The following GRM7 variants were observed in gnomAD, a reference collection of about 807,000 sequenced individuals.
GRM7 encodes glutamate metabotropic receptor 7, also known as metabotropic glutamate receptor 7.
A neutral mutation model predicts 84.5 loss-of-function variants in GRM7; 35 were observed. The observed-to-expected ratio is 0.41, with a 90% confidence interval of 0.32 to 0.55. The LOEUF is 0.55. Among genes scored for constraint, GRM7 ranks in the 20% least tolerant of loss-of-function variants. GRM7 has a pLI of 0.19. For missense variants in GRM7, 1,003 were observed against 1,194.6 expected (o/e 0.84, Z 2.36); for synonymous variants, 487 against 455.1 (o/e 1.07, Z -0.89).
chr3:7,524,184 C>T (rs2124995336), intron 7 of GRM7, among the ~76,000 whole-genome samples: 1 of 151,216 alleles, frequency 6.6e-6, no homozygotes, highest in African/African-American at 2.4e-5. Context: ...TAGGCATTAC[C>T]ATTCAGGACA....
intron 2 of GRM7, among the ~76,000 whole-genome samples, chr3:7,186,013 A>T (rs1270332598): frequency 6.6e-6 from 1 of 152,124 alleles, no homozygotes. Flanking sequence ...GCATGTCAAG[A>T]TCTACAATTT....
chr3:7,150,614 A>C (rs1694255862), intron 2 of GRM7, among the ~76,000 whole-genome samples: 1 of 152,222 alleles, frequency 6.6e-6, no homozygotes, highest in South Asian at 2.1e-4. Flanking sequence ...AGGTTTTGTA[A>C]AACAGTTATA....
intron 7 of GRM7, among the ~76,000 whole-genome samples, chr3:7,471,897 T>G (rs1698717436): frequency 2.6e-5 from 4 of 152,196 alleles, no homozygotes; most frequent in Non-Finnish European, 5.9e-5. Context: ...TGCTATCGTT[T>G]GAATGTTTGC....
chr3:6,954,064 G>T (rs1321181006), intron 1 of GRM7, among the ~76,000 whole-genome samples: 2 of 145,948 alleles, frequency 1.4e-5, no homozygotes, highest in African/African-American at 4.9e-5. Flanking sequence ...AAAAAAAATT[G>T]GTATATTATG....
At chr3:7,655,467 T>C (rs543019165) in intron 8 of GRM7, among the ~76,000 whole-genome samples, 1 of 152,304 alleles carries the variant, frequency 6.6e-6, no homozygotes, top group Non-Finnish European at 1.5e-5. Context: ...CCAAATCATA[T>C]CTGCAAAGCC....
chr3:7,055,183 A>G (rs915600169), intron 1 of GRM7, among the ~76,000 whole-genome samples: 3 of 151,194 alleles, frequency 2.0e-5, no homozygotes, highest in African/African-American at 7.3e-5. Context: ...ATCTATTGGG[A>G]TTTTCTTCCT....
chr3:7,033,765 C>T (rs990382880), intron 1 of GRM7, among the ~76,000 whole-genome samples: 7 of 152,106 alleles, frequency 4.6e-5, no homozygotes, highest in Non-Finnish European at 7.3e-5. Context: ...ATTCAAAATC[C>T]CGCATCCTGG....
chr3:7,567,551 C>T (rs1330353324), intron 7 of GRM7, among the ~76,000 whole-genome samples: 2 of 151,760 alleles, frequency 1.3e-5, no homozygotes, highest in African/African-American at 2.4e-5. Flanking sequence ...AGTTTGAGAC[C>T]AGCCTGGCCA....
chr3:7,348,578 G>A (rs1347731013), intron 4 of GRM7, among the ~76,000 whole-genome samples: 2 of 152,072 alleles, frequency 1.3e-5, no homozygotes, highest in African/African-American at 2.4e-5. Context: ...GTACATCCAT[G>A]ATCAGCAGGT....
intron 2 of GRM7, among the ~76,000 whole-genome samples, chr3:7,251,643 G>A (rs574896066): frequency 6.6e-6 from 1 of 152,184 alleles, no homozygotes; most frequent in South Asian, 2.1e-4. Flanking sequence ...CTGACTATAT[G>A]GTTCAGATGG....
intron 2 of GRM7, among the ~76,000 whole-genome samples, chr3:7,153,320 A>G (rs1017793397): frequency 3.9e-5 from 6 of 152,090 alleles, no homozygotes; most frequent in Non-Finnish European, 7.4e-5. Context: ...CTTCATGAAT[A>G]TAACCAGGGT....
At chr3:7,732,537 A>C (rs143009611) in intron 9 of GRM7, among the ~76,000 whole-genome samples, 1 of 152,200 alleles carries the variant, frequency 6.6e-6, no homozygotes, top group Non-Finnish European at 1.5e-5. Flanking sequence ...CCAGTTAAGG[A>C]AAAAAGGCAA....
chr3:7,102,497 C>T (rs942436079), intron 1 of GRM7, among the ~76,000 whole-genome samples: 12 of 151,658 alleles, frequency 7.9e-5, no homozygotes, highest in African/African-American at 2.7e-4. Flanking sequence ...ATGATGTGCC[C>T]TCATACCTAT....
chr3:7,517,170 T>C (rs1700422195), intron 7 of GRM7, among the ~76,000 whole-genome samples: 1 of 152,202 alleles, frequency 6.6e-6, no homozygotes, highest in Admixed American at 6.5e-5. Context: ...CCAAATGTCC[T>C]GTTTCCTCTC....
At chr3:7,697,232 A>ACAT (rs889999507) in intron 9 of GRM7, among the ~76,000 whole-genome samples, 9 of 152,230 alleles carry the variant, frequency 5.9e-5, no homozygotes, top group African/African-American at 1.7e-4. Context: ...TTTAAAAATT[A>ACAT]CATCATCATC....
At chr3:7,220,055 T>C (rs1269464283) in intron 2 of GRM7, among the ~76,000 whole-genome samples, 1 of 152,202 alleles carries the variant, frequency 6.6e-6, no homozygotes, top group African/African-American at 2.4e-5. Context: ...CATAAGTCCC[T>C]GGCTGATATA....
Position 7,012,061 on chromosome 3 carries a change from C to T in GRM7, c.520-134391C>T, listed in dbSNP as rs190239846. ...GCCTGCCTCTGAGCTGTTTCTTGGGCTCCATTTTCTTTCCCTGTCACTAGA... is the reference window on the plus strand; with the variant it reads ...GCCTGCCTCTGAGCTGTTTCTTGGGTTCCATTTTCTTTCCCTGTCACTAGA... On this transcript the variant is annotated intron_variant, in intron 1 of 9. Transcript: ENST00000357716. Among the ~76,000 whole-genome samples, 7 of 152,282 alleles carry T rather than the reference C, an allele frequency of 4.6e-5. No homozygotes were observed. The East Asian group carries it at 1.4e-3, about 29-fold the overall frequency.
At chr3:7,446,569 C>G (rs1388692601) in intron 5 of GRM7, among the ~76,000 whole-genome samples, 1 of 148,738 alleles carries the variant, frequency 6.7e-6, no homozygotes, top group Non-Finnish European at 1.5e-5. Flanking sequence ...CAAGGCAATT[C>G]TCCTGTCTCA....
rs1442077274 is a variant in GRM7, at chr3:7,351,972, G to A, written c.1033+45320G>A. Among the ~76,000 whole-genome samples the A allele has an allele frequency of 2.0e-5, 3 of 151,266 alleles. No individual in the cohort carries two copies. In the Admixed American group the frequency reaches 2.0e-4, roughly 10 times the overall value. On this transcript the variant is annotated intron_variant, in intron 4 of 9. Coordinates refer to ENST00000357716, the MANE Select transcript of GRM7 (RefSeq NM_000844.4). ...TGGCCTATCATGGGACTTTGCTTTTGCGATTATGTGAGCCAATTCCCCCTG... is the reference window on the plus strand; with the variant it reads ...TGGCCTATCATGGGACTTTGCTTTTACGATTATGTGAGCCAATTCCCCCTG...
Sources: gnomAD v4.1 joint callset for allele counts (sites outside exome capture counted in the v4.1 genomes callset) on GRCh38, gnomAD v4.1.1 for gene constraint, MANE v1.5 for transcripts, NCBI Gene and HGNC (gene_info 2026-07-23, HGNC 2026-07-21) for gene names.